Variants in NPM1 observed in about 807,000 individuals in gnomAD.
The protein encoded by NPM1 is nucleophosmin 1.
NPM1 carries 1 observed loss-of-function variant against 44.1 expected under a neutral mutation model. The ratio of observed to expected loss-of-function variants is 0.02; its 90% CI spans 0.01 to 0.11. The LOEUF (loss-of-function observed/expected upper bound fraction) is 0.11. Among genes scored for constraint, NPM1 ranks in the 10% least tolerant of loss-of-function variants. The pLI is 1.00. For synonymous variants in NPM1, 126 were observed against 111.8 expected (o/e 1.13, Z -0.80); for missense variants, 197 against 347.8 (o/e 0.57, Z 3.45).
intron 6 of NPM1, among the ~76,000 whole-genome samples, chr5:171,398,220 C>T (rs528553283): frequency 9.2e-5 from 14 of 152,270 alleles, no homozygotes; most frequent in East Asian, 7.7e-4. Flanking sequence ...ATTTTTATGA[C>T]GTCCGATTTC....
intron 6 of NPM1, among the ~76,000 whole-genome samples, chr5:171,399,394 C>T (rs1009739706): frequency 1.3e-5 from 2 of 152,164 alleles, no homozygotes; most frequent in Non-Finnish European, 2.9e-5. Flanking sequence ...TACAGGCGCA[C>T]ACCACCACGC....
chr5:171,398,181 C>A (rs1329663925), intron 6 of NPM1, among the ~76,000 whole-genome samples: 1 of 152,248 alleles, frequency 6.6e-6, no homozygotes, highest in Non-Finnish European at 1.5e-5. Flanking sequence ...ACTTAACTTT[C>A]ATGATGGTGG....
chr5:171,395,072 TAGG>T (rs1248831261), intron 6 of NPM1, among the ~76,000 whole-genome samples: 6 of 151,962 alleles, frequency 3.9e-5, no homozygotes, highest in Admixed American at 3.3e-4. Context: ...CCCAGTTACT[TAGG>T]AGGTTGAGTC....
chr5:171,407,468 G>A, intron 9 of NPM1: 1 of 531,074 alleles, frequency 1.9e-6, no homozygotes, highest in Non-Finnish European at 3.3e-6. Flanking sequence ...TCCTAGAGAG[G>A]TTGTCAGGGA....
At chr5:171,399,167 T>C (rs1025202802) in intron 6 of NPM1, among the ~76,000 whole-genome samples, 7 of 152,252 alleles carry the variant, frequency 4.6e-5, no homozygotes, top group African/African-American at 9.6e-5. Flanking sequence ...GTAGGTCTTA[T>C]AGCTGATTTT....
Position 171,404,053 on chromosome 5 carries a change from C to T in NPM1, c.670-1249C>T, listed in dbSNP as rs1158745683. Among the ~76,000 whole-genome samples the T allele has an allele frequency of 4.3e-5, 3 of 69,052 alleles. 1 individual carries two copies. The highest frequency in any genetic ancestry group is 8.8e-5 in the Non-Finnish European group (3 of 33,922). The allele number at this position is 69,052 out of a possible 152,430, so 45.3% of individuals were successfully genotyped here. On this transcript the variant is annotated intron_variant, in intron 8 of 10. Coordinates refer to ENST00000296930, the MANE Select transcript of NPM1 (RefSeq NM_002520.7). The stretch of plus-strand genomic sequence containing the variant: ...GCGGCCGGGCAGAGGCAACCCTCAC[C>T]TCCCGGACGGGGCGGCTGGCCGGGC...
At chr5:171,389,938 C>T in intron 1 of NPM1, 113 bp from the exon 2 acceptor site, 1 of 660,250 alleles carries the variant, frequency 1.5e-6, no homozygotes, top group South Asian at 1.9e-5. Flanking sequence ...CCTCTGGTAG[C>T]TAAAATAGTG....
intron 8 of NPM1, among the ~76,000 whole-genome samples, chr5:171,402,252 A>G (rs1015549202): frequency 1.3e-5 from 2 of 150,856 alleles, no homozygotes; most frequent in Non-Finnish European, 3.0e-5. Flanking sequence ...AAGCATATGA[A>G]AAACAGCTCA....
In NPM1 at chr5:171,407,794, A is replaced by G; in HGVS notation, c.846+20A>G. ...CAAGAGGTAACTGGATTTTCTGGGGACATGATTAAATCCAAGTTTTTTTGT... is the reference window on the plus strand; with the variant it reads ...CAAGAGGTAACTGGATTTTCTGGGGGCATGATTAAATCCAAGTTTTTTTGT... On this transcript the variant is annotated intron_variant, in intron 10 of 10. Coordinates refer to ENST00000296930, the MANE Select transcript of NPM1 (RefSeq NM_002520.7). 6.7e-7 allele frequency: 1 copy of G among 1,496,162 alleles called. No individual in the cohort carries two copies. Among genetic ancestry groups the G allele is most frequent in the Non-Finnish European group, 9.3e-7 (1 of 1,074,812 alleles). The allele number at this position is 1,496,162 out of a possible 1,614,324, so 92.7% of individuals were successfully genotyped here. A position where few individuals can be genotyped will look rare whatever the true frequency, so the allele number is the denominator to read the frequency against.
At chr5:171,396,394 A>G (rs186154580) in intron 6 of NPM1, among the ~76,000 whole-genome samples, 4 of 152,356 alleles carry the variant, frequency 2.6e-5, no homozygotes, top group Admixed American at 2.6e-4. Flanking sequence ...TGTTTCTAGC[A>G]CAGGGGAGGC....
intron 6 of NPM1, among the ~76,000 whole-genome samples, chr5:171,394,519 C>T (rs1053754933): frequency 3.3e-5 from 5 of 152,086 alleles, no homozygotes; most frequent in Non-Finnish European, 5.9e-5. Context: ...TCAGACTGGA[C>T]TTGAATCTCT....
intron 8 of NPM1, among the ~76,000 whole-genome samples, chr5:171,402,787 GCTCT>G (rs916202807): frequency 1.5e-5 from 2 of 135,176 alleles, no homozygotes; most frequent in African/African-American, 5.5e-5. Context: ...CCCCCTTTGT[GCTCT>G]CTCTCTTCTG....
At chr5:171,405,269 T>C in intron 8 of NPM1, 33 bp from the exon 9 acceptor site, 1 of 1,056,904 alleles carries the variant, frequency 9.5e-7, no homozygotes. Context: ...GTATTTATTC[T>C]TATGACCTTT....
At position 171,404,250 on chromosome 5, in the gene NPM1, C is replaced by T. The variant is rs1336142189; in HGVS notation, c.670-1052C>T. Among the ~76,000 whole-genome samples the T allele has an allele frequency of 9.2e-5, 10 of 108,800 alleles. 2 individuals are homozygous for T. Among genetic ancestry groups the T allele is most frequent in the Non-Finnish European group, 1.5e-4 (8 of 51,704 alleles). The allele number at this position is 108,800 out of a possible 152,430, so 71.4% of individuals were successfully genotyped here. A position where few individuals can be genotyped will look rare whatever the true frequency, so the allele number is the denominator to read the frequency against. ...CGGGGGGTTGACCCCCCCCCACCTC[C>T]CTCCCGGACGGGGTGGCTGCTGGGC... On this transcript the variant is annotated intron_variant, in intron 8 of 10. Coordinates refer to ENST00000296930, the MANE Select transcript of NPM1 (RefSeq NM_002520.7).
At chr5:171,406,631 C>CT in intron 9 of NPM1, 1 of 1,332,878 alleles carries the variant, frequency 7.5e-7, no homozygotes, top group Non-Finnish European at 9.6e-7. Context: ...GAACCTTGCC[C>CT]TTTGCTTTCT....
intron 6 of NPM1, 90 bp from the exon 7 acceptor site, chr5:171,400,063 C>G (rs1771111297): frequency 3.9e-6 from 3 of 773,406 alleles, no homozygotes; most frequent in Non-Finnish European, 6.9e-6. Flanking sequence ...AACATGGGTG[C>G]ACAAATAATC....
chr5:171,389,473 CT>C (rs1770456575), intron 1 of NPM1, among the ~76,000 whole-genome samples: 1 of 152,154 alleles, frequency 6.6e-6, no homozygotes, highest in Admixed American at 6.5e-5. Flanking sequence ...TATATCAGTA[CT>C]TTTTGATAAC....
At chr5:171,397,768 T>G (rs533871518) in intron 6 of NPM1, among the ~76,000 whole-genome samples, 26 of 151,416 alleles carry the variant, frequency 1.7e-4, no homozygotes, top group Non-Finnish European at 3.5e-4. Flanking sequence ...ACTGCTGAGA[T>G]TACAGCTGTG....
In NPM1 at chr5:171,392,964, G is replaced by A; in HGVS notation, c.510G>A (p.Glu170=). ...AAGATGATGACGATGATGATGAAGA[G>A]GATGATGATGAAGAGTAAGTATGAT... ...ADEDDDDDDE[E]DDDEDDDDDD... Residue 170 remains glutamate, a synonymous_variant, in exon 6 of 11, where the codon GAG becomes GAA. Coordinates refer to ENST00000296930, the MANE Select transcript of NPM1 (RefSeq NM_002520.7). 1.2e-6 allele frequency: 2 copies of A among 1,609,368 alleles called. No homozygotes were observed. The highest frequency in any genetic ancestry group is 1.1e-5 in the South Asian group (1 of 90,876).
Sources: allele counts gnomAD v4.1 joint callset (sites outside exome capture counted in the v4.1 genomes callset), GRCh38; gene constraint gnomAD v4.1.1; transcripts MANE v1.5; gene names NCBI Gene and HGNC (gene_info 2026-07-23, HGNC 2026-07-21).